Variants in EDEM2 observed in about 807,000 individuals in gnomAD.
EDEM2 encodes ER degradation-enhancing alpha-mannosidase-like protein 2.
A neutral mutation model predicts 64.8 loss-of-function variants in EDEM2; 39 were observed. That is an observed-to-expected ratio of 0.60 (90% confidence interval 0.47 to 0.79). The LOEUF (loss-of-function observed/expected upper bound fraction) is 0.79. EDEM2 is among the 30% of genes least tolerant of loss of function. EDEM2 has a pLI of 0.00. For missense variants in EDEM2, 609 were observed against 731.3 expected, an observed-to-expected ratio of 0.83 and a Z score of 1.93; for synonymous variants, 296 against 291.5, an observed-to-expected ratio of 1.02 and a Z score of -0.16.
rs148213655 is a variant in EDEM2, at chr20:35,117,871, T to C, written c.1236+727A>G. Among the ~76,000 whole-genome samples the C allele has an allele frequency of 3.3e-5, 5 of 152,232 alleles. No individual in the cohort carries two copies. The East Asian group carries it at 9.6e-4, about 29-fold the overall frequency. On this transcript the variant is annotated intron_variant, in intron 10 of 10. Coordinates refer to ENST00000374492, the MANE Select transcript of EDEM2 (RefSeq NM_018217.3). The stretch of plus-strand genomic sequence containing the variant: ...CGATCTTTCTAAAATACAAATCAGA[T>C]CATGTCACTGCTCTGCTGTAAATCC...
chr20:35,135,681 C>T (rs1295279851), intron 5 of EDEM2, among the ~76,000 whole-genome samples: 2 of 151,524 alleles, frequency 1.3e-5, no homozygotes, highest in Non-Finnish European at 2.9e-5. Flanking sequence ...CAAAGCCATT[C>T]ATAGACTTTA....
At chr20:35,141,745 C>G (rs1314495966) in intron 4 of EDEM2, among the ~76,000 whole-genome samples, 2 of 152,138 alleles carry the variant, frequency 1.3e-5, no homozygotes, top group Non-Finnish European at 2.9e-5. Flanking sequence ...GATTCCAATT[C>G]ATTAGGTTTA....
Position 35,126,251 on chromosome 20 carries a change from C to G in EDEM2, c.969G>C (p.Gln323His). 1 of 1,613,060 alleles carries G rather than the reference C, an allele frequency of 6.2e-7. No individual in the cohort carries two copies. Among genetic ancestry groups the G allele is most frequent in the East Asian group, 2.2e-5 (1 of 44,890 alleles). Residue 323 changes from glutamine to histidine, a missense_variant and splice_region_variant, in exon 8 of 11, where the codon CAG becomes CAC. By Grantham distance (24) the Gln-to-His change is conservative. Coordinates refer to ENST00000374492, the MANE Select transcript of EDEM2 (RefSeq NM_018217.3). ...GATCACATTCTTTGATCATTCCTAC[C>G]TGAAGACCAGGCCAGTAGGCCTCCA... ...QSLEAYWPGL[Q>H]SLIGDIDNAM... is the part of the protein sequence containing the mutation.
intron 9 of EDEM2, among the ~76,000 whole-genome samples, chr20:35,120,794 C>T (rs148531621): frequency 0.092 from 13,990 of 152,042 alleles, 2,168 homozygotes; most frequent in African/African-American, 0.32. Flanking sequence ...GACAGGGTTT[C>T]GCCATATTGG....
chr20:35,134,751 G>A lies in EDEM2; in HGVS notation c.689C>T (p.Ser230Leu). 6.2e-7 allele frequency: 1 copy of A among 1,613,164 alleles called. No individual in the cohort carries two copies. Among genetic ancestry groups the A allele is most frequent in the Non-Finnish European group, 8.5e-7 (1 of 1,179,984 alleles). The change falls in exon 6 of 11, where the codon TCA (serine) becomes TTA (leucine). Residue 230 changes from serine (S) to leucine (L), a missense_variant. Ser to Leu is a moderately radical substitution (Grantham distance 145). Transcript: ENST00000374492. ...CAGCGAACCTACCAGCCCGATATCT[G>A]ACCGGCTCTCCCAGAGGCGCATCAA... ...VALMRLWESR[S>L]DIGLVGNHID...
At chr20:35,138,143 G>T in intron 4 of EDEM2, 138 bp from the exon 5 acceptor site, 1 of 1,251,270 alleles carries the variant, frequency 8.0e-7, no homozygotes, top group Non-Finnish European at 1.1e-6. Context: ...GCTATTTCAC[G>T]GGTAAAAACA....
chr20:35,121,897 T>C (rs1456566138), intron 9 of EDEM2, among the ~76,000 whole-genome samples: 10 of 151,892 alleles, frequency 6.6e-5, no homozygotes, highest in Admixed American at 6.6e-4. Context: ...TGGGCTCAAG[T>C]GATCCTCCCA....
intron 9 of EDEM2, among the ~76,000 whole-genome samples, chr20:35,119,442 A>G (rs2085344435): frequency 6.6e-6 from 1 of 152,030 alleles, no homozygotes; most frequent in Admixed American, 6.6e-5. Flanking sequence ...AAAAATTAAA[A>G]ATGATTAGCT....
intron 4 of EDEM2, among the ~76,000 whole-genome samples, chr20:35,139,391 G>T (rs996170702): frequency 6.7e-6 from 1 of 148,344 alleles, no homozygotes; most frequent in African/African-American, 2.5e-5. Context: ...GCTCATGCCT[G>T]TAATCCCAGC....
intron 4 of EDEM2, among the ~76,000 whole-genome samples, chr20:35,138,350 C>G (rs2085605590): frequency 6.6e-6 from 1 of 152,002 alleles, no homozygotes; most frequent in South Asian, 2.1e-4. Flanking sequence ...ACTACTGTCC[C>G]CTCTTCGTAT....
chr20:35,126,782 C>T (rs892526836), intron 7 of EDEM2, among the ~76,000 whole-genome samples: 1 of 152,182 alleles, frequency 6.6e-6, no homozygotes, highest in Admixed American at 6.5e-5. Context: ...TGTGGTGGTG[C>T]ATGCCTGTAA....
In EDEM2 at chr20:35,134,734, C is replaced by G; in HGVS notation, c.702+4G>C. ...TCAAACAGGAAGGGCAGCAGCGAAC[C>G]TACCAGCCCGATATCTGACCGGCTC... On this transcript the variant is annotated splice_donor_region_variant and intron_variant, in intron 6 of 10. Coordinates refer to ENST00000374492, the MANE Select transcript of EDEM2 (RefSeq NM_018217.3). The G allele has an allele frequency of 6.2e-7, 1 of 1,612,556 alleles. No homozygotes were observed.
At chr20:35,135,915 A>G (rs945251108) in intron 5 of EDEM2, among the ~76,000 whole-genome samples, 1 of 152,114 alleles carries the variant, frequency 6.6e-6, no homozygotes, top group Non-Finnish European at 1.5e-5. Flanking sequence ...GCCCCAGTCC[A>G]GTTCTCTGCC....
At chr20:35,130,261 G>A (rs1296529335) in intron 7 of EDEM2, among the ~76,000 whole-genome samples, 1 of 151,828 alleles carries the variant, frequency 6.6e-6, no homozygotes, top group Non-Finnish European at 1.5e-5. Context: ...GTAGAGACGA[G>A]GTCTCACCAT....
At chr20:35,131,846 A>T in intron 6 of EDEM2, 63 bp from the exon 7 acceptor site, 1 of 1,567,652 alleles carries the variant, frequency 6.4e-7, no homozygotes, top group East Asian at 2.3e-5. Context: ...GGATCTACTC[A>T]CCCCCAACCC....
Position 35,128,837 on chromosome 20 carries a change from A to T in EDEM2, c.845-2462T>A, listed in dbSNP as rs78996627. 0.01 allele frequency among the ~76,000 whole-genome samples: 1,524 copies of T among 151,090 alleles called. 64 individuals are homozygous for T. In the East Asian group the frequency reaches 0.11, roughly 11 times the overall value. ...CTAAAAACAGAAAAAAACTTAGAGA[A>T]TAAGGATATAAATAAAATATTTCTG... On this transcript the variant is annotated intron_variant, in intron 7 of 10. Transcript: ENST00000374492.
At chr20:35,144,564 C>T (rs1267991300) in intron 3 of EDEM2, among the ~76,000 whole-genome samples, 2 of 151,606 alleles carry the variant, frequency 1.3e-5, no homozygotes, top group Admixed American at 1.3e-4. Context: ...AAACCCCTGA[C>T]CTCAGGTGAT....
At chr20:35,126,908 A>G (rs550485735) in intron 7 of EDEM2, among the ~76,000 whole-genome samples, 1 of 152,218 alleles carries the variant, frequency 6.6e-6, no homozygotes, top group South Asian at 2.1e-4. Flanking sequence ...GTGAAACTCC[A>G]TCTCAAAAAG....
At chr20:35,118,910 C>A (rs556661749) in intron 9 of EDEM2, among the ~76,000 whole-genome samples, 191 bp from the exon 10 acceptor site, 1 of 152,334 alleles carries the variant, frequency 6.6e-6, no homozygotes, top group African/African-American at 2.4e-5. Flanking sequence ...CAGTGGAGAC[C>A]AGCATTAAGG....
Sources: allele counts gnomAD v4.1 joint callset (sites outside exome capture counted in the v4.1 genomes callset), GRCh38; gene constraint gnomAD v4.1.1; transcripts MANE v1.5; gene names NCBI Gene and HGNC (gene_info 2026-07-23, HGNC 2026-07-21).